Variants in FHIT observed in about 807,000 individuals in gnomAD.
FHIT encodes bis(5'-adenosyl)-triphosphatase.
A neutral mutation model predicts 17.9 loss-of-function variants in FHIT; 19 were observed. That is an observed-to-expected ratio of 1.06 (90% CI 0.74 to 1.56). The LOEUF is 1.56. FHIT is among the 40% of genes most tolerant of loss of function. The pLI is 0.00. For synonymous variants in FHIT, 81 were observed against 69.7 expected (o/e 1.16, Z -0.81); for missense variants, 248 against 189.2 (o/e 1.31, Z -1.82).
At chr3:60,194,344 C>G (rs1702528136) in intron 5 of FHIT, among the ~76,000 whole-genome samples, 1 of 152,112 alleles carries the variant, frequency 6.6e-6, no homozygotes, top group Non-Finnish European at 1.5e-5. Flanking sequence ...GGAAAGGACA[C>G]TCTATTTAAT....
chr3:60,269,859 C>T (rs533033888), intron 5 of FHIT, among the ~76,000 whole-genome samples: 4 of 152,100 alleles, frequency 2.6e-5, no homozygotes, highest in African/African-American at 7.2e-5. Flanking sequence ...ACTGCCATTT[C>T]GGTTCATAAA....
chr3:61,124,062 A>G (rs1287870487), intron 2 of FHIT, among the ~76,000 whole-genome samples: 1 of 152,208 alleles, frequency 6.6e-6, no homozygotes, highest in Non-Finnish European at 1.5e-5. Flanking sequence ...AGAAAATAGT[A>G]TCATTACCAC....
intron 2 of FHIT, among the ~76,000 whole-genome samples, chr3:61,175,560 T>G (rs150015564): frequency 8.5e-5 from 13 of 152,256 alleles, no homozygotes; most frequent in African/African-American, 3.1e-4. Context: ...TTGTTGAAAC[T>G]TAAGCCCCAG....
intron 5 of FHIT, among the ~76,000 whole-genome samples, chr3:60,260,649 A>T (rs938799364): frequency 1.3e-4 from 20 of 152,064 alleles, no homozygotes; most frequent in Admixed American, 3.9e-4. Flanking sequence ...GAGCAACTCT[A>T]TCTTGAATAG....
intron 8 of FHIT, among the ~76,000 whole-genome samples, chr3:59,843,101 C>T (rs567932234): frequency 5.3e-5 from 8 of 152,016 alleles, no homozygotes; most frequent in Non-Finnish European, 1.2e-4. Context: ...AAGGAATGTA[C>T]CTAACATTAA....
At chr3:60,536,757 C>T in intron 5 of FHIT, 103 bp downstream of exon 5, 2 of 1,251,474 alleles carry the variant, frequency 1.6e-6, no homozygotes, top group Non-Finnish European at 2.1e-6. Context: ...CTTTATTTAC[C>T]TTTTTGGACA....
rs139778256 is a variant in FHIT, at chr3:60,781,161, C to T, written c.-18+40758G>A. ...AAAGCACATAAGTGGAGAATGCACA[C>T]GTTAGCCCATTTTCAATAGTTTAAT... is the stretch of plus-strand genomic sequence containing the variant. On this transcript the variant is annotated intron_variant, in intron 4 of 9. Coordinates refer to ENST00000492590, the MANE Select transcript of FHIT (RefSeq NM_002012.4). Among the ~76,000 whole-genome samples, 212 of 152,284 alleles carry T rather than the reference C, an allele frequency of 1.4e-3. 2 individuals are homozygous for T. Among genetic ancestry groups the T allele is most frequent in the African/African-American group, 4.7e-3 (194 of 41,554 alleles).
intron 8 of FHIT, among the ~76,000 whole-genome samples, chr3:59,810,660 T>G (rs1700378033): frequency 6.6e-6 from 1 of 152,208 alleles, no homozygotes; most frequent in Non-Finnish European, 1.5e-5. Context: ...TCAGAAGACA[T>G]AAATTAATTG....
intron 2 of FHIT, among the ~76,000 whole-genome samples, chr3:61,043,447 G>C (rs937183290): frequency 6.6e-6 from 1 of 152,194 alleles, no homozygotes; most frequent in African/African-American, 2.4e-5. Flanking sequence ...TCATTGCTGA[G>C]GCTTGAGTAG....
In FHIT at chr3:60,120,752, T is replaced by C. The variant is rs79339926; in HGVS notation, c.104-106600A>G. Among the ~76,000 whole-genome samples, 93 of 152,322 alleles carry C rather than the reference T, an allele frequency of 6.1e-4. 1 individual carries two copies. Among genetic ancestry groups the C allele is most frequent in the African/African-American group, 2.1e-3 (89 of 41,572 alleles). ...AAGACAGGTACTCACTCATTCTCTC[T>C]TCTGCAGGATCCTAAAGATGGTCCT... On this transcript the variant is annotated intron_variant, in intron 5 of 9. Coordinates refer to ENST00000492590, the MANE Select transcript of FHIT (RefSeq NM_002012.4).
intron 5 of FHIT, among the ~76,000 whole-genome samples, chr3:60,212,507 T>G (rs1703501124): frequency 6.6e-6 from 1 of 152,166 alleles, no homozygotes; most frequent in Admixed American, 6.6e-5. Flanking sequence ...AATATCTATT[T>G]TGGGATAATA....
chr3:59,937,522 A>G (rs1426733421), intron 7 of FHIT, among the ~76,000 whole-genome samples: 1 of 152,170 alleles, frequency 6.6e-6, no homozygotes, highest in East Asian at 1.9e-4. Flanking sequence ...GTGTGAATAA[A>G]TATCTCTGGG....
At chr3:59,850,473 C>T (rs1434287429) in intron 8 of FHIT, among the ~76,000 whole-genome samples, 1 of 152,038 alleles carries the variant, frequency 6.6e-6, no homozygotes, top group Non-Finnish European at 1.5e-5. Context: ...CCTAAGCCCT[C>T]CAATAAAAAA....
rs183110664 is a variant in FHIT, at chr3:60,347,104, C to G, written c.103+189756G>C. On this transcript the variant is annotated intron_variant, in intron 5 of 9. Coordinates refer to ENST00000492590, the MANE Select transcript of FHIT (RefSeq NM_002012.4). ...TTCCAATGCAAAGATTCCCAATCTG[C>G]CTACCAACTGAACTGTTTTGGTCGT... Among the ~76,000 whole-genome samples, 33 of 151,924 alleles carry G rather than the reference C, an allele frequency of 2.2e-4. No homozygotes were observed. In the South Asian group the frequency reaches 6.3e-3, roughly 29 times the overall value.
intron 2 of FHIT, among the ~76,000 whole-genome samples, chr3:61,113,299 CA>C (rs1293783761): frequency 6.6e-6 from 1 of 152,126 alleles, no homozygotes; most frequent in Non-Finnish European, 1.5e-5. Context: ...TATGAGCCAC[CA>C]TGTCTGGCAT....
intron 1 of FHIT, among the ~76,000 whole-genome samples, chr3:61,204,731 T>C (rs1353488262): frequency 1.3e-5 from 2 of 151,798 alleles, no homozygotes; most frequent in African/African-American, 2.4e-5. Flanking sequence ...ACCACGGAAA[T>C]AGGAACCAAA....
intron 5 of FHIT, among the ~76,000 whole-genome samples, chr3:60,516,304 T>C (rs1388978026): frequency 6.6e-6 from 1 of 152,230 alleles, no homozygotes; most frequent in East Asian, 1.9e-4. Flanking sequence ...AAAACTAGTG[T>C]GAAGAGTGAC....
chr3:60,695,292 A>T (rs1307674443), intron 4 of FHIT, among the ~76,000 whole-genome samples: 1 of 152,138 alleles, frequency 6.6e-6, no homozygotes, highest in African/African-American at 2.4e-5. Context: ...GCTACTTGGG[A>T]GGCTGAAGCA....
chr3:60,237,823 G>A (rs1704886637), intron 5 of FHIT, among the ~76,000 whole-genome samples: 1 of 152,084 alleles, frequency 6.6e-6, no homozygotes, highest in Non-Finnish European at 1.5e-5. Context: ...GAAGCAGCTG[G>A]TTAGAGGCAG....
Sources: gnomAD v4.1 joint callset for allele counts (sites outside exome capture counted in the v4.1 genomes callset) on GRCh38, gnomAD v4.1.1 for gene constraint, MANE v1.5 for transcripts, NCBI Gene and HGNC (gene_info 2026-07-23, HGNC 2026-07-21) for gene names.